The following RAPGEF2 variants were observed in gnomAD, a reference collection of about 807,000 sequenced individuals.
RAPGEF2 encodes the protein Rap guanine nucleotide exchange factor 2.
Under a neutral mutation model 186.7 loss-of-function variants are expected in RAPGEF2, and 54 were observed. The ratio of observed to expected loss-of-function variants is 0.29; its 90% CI spans 0.23 to 0.36. The LOEUF is 0.36. Ranked by LOEUF, RAPGEF2 falls within the 10% of genes least tolerant of loss-of-function variation. The probability of loss-of-function intolerance (pLI) is 1.00; values close to 1 mark genes in which losing one functional copy is unlikely to be tolerated. For missense variants in RAPGEF2, 1,532 were observed against 2,045.0 expected, an observed-to-expected ratio of 0.75 and a Z score of 4.84; for synonymous variants, 712 against 705.9, an observed-to-expected ratio of 1.01 and a Z score of -0.14.
intron 26 of RAPGEF2, 82 bp from the exon 27 acceptor site, chr4:159,352,603 A>G (rs1294494634): frequency 8.7e-7 from 1 of 1,151,152 alleles, no homozygotes; most frequent in Admixed American, 1.8e-5. Context: ...CCTGCATTTT[A>G]TTTTTGCTTC....
intron 8 of RAPGEF2, among the ~76,000 whole-genome samples, chr4:159,310,449 GTTAAA>G (rs1308776685): frequency 1.3e-5 from 2 of 151,920 alleles, no homozygotes; most frequent in Non-Finnish European, 2.9e-5. Flanking sequence ...TTTTATTTTA[GTTAAA>G]TTAATACTTC....
chr4:159,268,138 A>C (rs1757659703), intron 7 of RAPGEF2: 2 of 1,613,156 alleles, frequency 1.2e-6, no homozygotes, highest in Middle Eastern at 1.6e-4. Context: ...AATTCAGTTC[A>C]GCATATGTTT....
chr4:159,150,572 A>G (rs1054272171), intron 1 of RAPGEF2, among the ~76,000 whole-genome samples: 5 of 152,206 alleles, frequency 3.3e-5, no homozygotes, highest in Admixed American at 6.5e-5. Flanking sequence ...CTGAGACCTA[A>G]TGTACCATGA....
chr4:159,181,788 C>T (rs1331814219), intron 1 of RAPGEF2, among the ~76,000 whole-genome samples: 2 of 152,120 alleles, frequency 1.3e-5, no homozygotes, highest in Non-Finnish European at 2.9e-5. Flanking sequence ...CCACCCGCCT[C>T]GGCCTCCCAG....
chr4:159,168,377 G>C (rs1414198885), intron 1 of RAPGEF2, among the ~76,000 whole-genome samples: 1 of 152,056 alleles, frequency 6.6e-6, no homozygotes, highest in Non-Finnish European at 1.5e-5. Context: ...TTGATAGCCA[G>C]AACATTACAG....
rs1263662981 is a variant in RAPGEF2, at chr4:159,160,265, ATCTGATAC to A, written c.70-26375_70-26368del. On this transcript the variant is annotated intron_variant, in intron 1 of 29. Transcript: ENST00000691494. ...TGCTTTTATATAAAATGTTAATAAT[ATCTGATAC>A]TTACAGAAAGCCAGGCACTGTGCTT... Among the ~76,000 whole-genome samples the A allele has an allele frequency of 3.3e-5, 5 of 152,350 alleles. No homozygotes were observed. In the East Asian group the frequency reaches 9.6e-4, roughly 29 times the overall value.
intron 4 of RAPGEF2, among the ~76,000 whole-genome samples, chr4:159,226,844 C>T (rs1752092538): frequency 1.3e-5 from 2 of 152,144 alleles, no homozygotes; most frequent in African/African-American, 4.8e-5. Context: ...CTTTCACTTA[C>T]AGAACAAGTA....
At chr4:159,337,606 T>C (rs1579994455) in intron 17 of RAPGEF2, among the ~76,000 whole-genome samples, 1 of 151,996 alleles carries the variant, frequency 6.6e-6, no homozygotes. Flanking sequence ...AACCATAGGT[T>C]TGGCCGGGCG....
intron 7 of RAPGEF2, among the ~76,000 whole-genome samples, chr4:159,295,774 CAT>C (rs1761940023): frequency 6.1e-5 from 9 of 147,082 alleles, no homozygotes; most frequent in East Asian, 2.0e-4. Flanking sequence ...CGCGCGCGCG[CAT>C]GCACATAATG....
chr4:159,116,614 G>A (rs989155171), intron 1 of RAPGEF2, among the ~76,000 whole-genome samples: 10 of 152,204 alleles, frequency 6.6e-5, no homozygotes, highest in South Asian at 2.1e-4. Flanking sequence ...GGAAGCATAT[G>A]TTCATTGCAG....
At chr4:159,227,541 A>G (rs1752169991) in intron 4 of RAPGEF2, among the ~76,000 whole-genome samples, 1 of 152,244 alleles carries the variant, frequency 6.6e-6, no homozygotes, top group Non-Finnish European at 1.5e-5. Flanking sequence ...CCATCTGTGT[A>G]CAAAGCACTG....
intron 11 of RAPGEF2, chr4:159,329,319 C>G (rs954170068): frequency 1.3e-5 from 2 of 152,166 alleles, no homozygotes; most frequent in African/African-American, 4.8e-5. Flanking sequence ...TGAGCTATAA[C>G]ACATATGTGG....
chr4:159,117,896 A>G (rs1739223143), intron 1 of RAPGEF2, among the ~76,000 whole-genome samples: 1 of 152,318 alleles, frequency 6.6e-6, no homozygotes, highest in African/African-American at 2.4e-5. Context: ...AGGATATTTT[A>G]CTGTCATAAA....
At chr4:159,143,538 A>G (rs1355621226) in intron 1 of RAPGEF2, among the ~76,000 whole-genome samples, 1 of 152,210 alleles carries the variant, frequency 6.6e-6, no homozygotes, top group South Asian at 2.1e-4. Context: ...CAATTAATAA[A>G]AGGAGGATTT....
intron 7 of RAPGEF2, among the ~76,000 whole-genome samples, chr4:159,304,060 G>C (rs973888994): frequency 2.0e-5 from 3 of 152,056 alleles, no homozygotes; most frequent in Admixed American, 6.6e-5. Flanking sequence ...GAAAATTTTA[G>C]CTTACTAAAT....
chr4:159,175,252 A>G (rs1746340620), intron 1 of RAPGEF2, among the ~76,000 whole-genome samples: 1 of 152,148 alleles, frequency 6.6e-6, no homozygotes, highest in Non-Finnish European at 1.5e-5. Flanking sequence ...TTTTGCCTTC[A>G]TATGATTTAG....
At chr4:159,307,105 A>G (rs1329243850) in intron 8 of RAPGEF2, among the ~76,000 whole-genome samples, 1 of 152,210 alleles carries the variant, frequency 6.6e-6, no homozygotes, top group East Asian at 1.9e-4. Context: ...GCAAAATAAC[A>G]TTATTCTTAC....
At chr4:159,295,746 T>TGCGCGCGC (rs1379863528) in intron 7 of RAPGEF2, among the ~76,000 whole-genome samples, 1 of 125,568 alleles carries the variant, frequency 8.0e-6, no homozygotes, top group Non-Finnish European at 1.7e-5. Context: ...TGTGTGTGTG[T>TGCGCGCGC]GTGTGTGTGC....
chr4:159,187,604 T>A (rs1233048949), intron 2 of RAPGEF2, among the ~76,000 whole-genome samples: 1 of 152,186 alleles, frequency 6.6e-6, no homozygotes, highest in Non-Finnish European at 1.5e-5. Context: ...CTATATTTGT[T>A]TTTATGAGAT....
Sources: gnomAD v4.1 joint callset for allele counts (sites outside exome capture counted in the v4.1 genomes callset) on GRCh38, gnomAD v4.1.1 for gene constraint, MANE v1.5 for transcripts, NCBI Gene and HGNC (gene_info 2026-07-23, HGNC 2026-07-21) for gene names.